The following TRIP12 variants were observed in gnomAD, a reference collection of about 807,000 sequenced individuals.
TRIP12 encodes the protein thyroid hormone receptor interactor 12, also known as E3 ubiquitin-protein ligase TRIP12.
In TRIP12, 25 loss-of-function variants were observed where a neutral mutation model predicts 244.2. The ratio of observed to expected loss-of-function variants is 0.10; its 90% CI spans 0.07 to 0.14. TRIP12 has a LOEUF of 0.14. Ranked by LOEUF, TRIP12 falls within the 10% of genes least tolerant of loss-of-function variation. TRIP12 has a pLI of 1.00. For synonymous variants in TRIP12, 905 were observed against 873.1 expected (o/e 1.04, Z -0.64); for missense variants, 1,677 against 2,486.4 (o/e 0.67, Z 6.92).
intron 1 of TRIP12, among the ~76,000 whole-genome samples, chr2:229,916,908 TTATC>T (rs1168294377): frequency 6.6e-6 from 1 of 150,560 alleles, no homozygotes; most frequent in African/African-American, 2.4e-5. Flanking sequence ...ATCGGTATAC[TTATC>T]TATTTATTAC....
At chr2:229,877,820 A>T (rs561574561) in intron 2 of TRIP12, among the ~76,000 whole-genome samples, 1 of 152,252 alleles carries the variant, frequency 6.6e-6, no homozygotes, top group Non-Finnish European at 1.5e-5. Context: ...AGCACACGTT[A>T]TAAGTGTGGA....
rs2046229616 is a variant in TRIP12, at chr2:229,807,722, T to C, written c.2482A>G (p.Ser828Gly). 6.2e-7 allele frequency: 1 copy of C among 1,614,050 alleles called. No homozygotes were observed. The highest frequency in any genetic ancestry group is 1.3e-5 in the African/African-American group (1 of 74,920). The change falls in exon 17 of 42, where the codon AGC (serine) becomes GGC (glycine). Residue 828 changes from serine to glycine, a missense_variant. This residue lies in a region of TRIP12 where 572 missense variants were observed against 867.8 expected (regional missense o/e 0.66). Coordinates refer to ENST00000675903, the MANE Select transcript of TRIP12 (RefSeq NM_001348323.3). ...GAAACTACTACCTCAATGATCCGGCTGTCAATCCTGTTATATGGATGCCAG... is the reference window on the plus strand; with the variant it reads ...GAAACTACTACCTCAATGATCCGGCCGTCAATCCTGTTATATGGATGCCAG... ...GLWHPYNRID[S>G]RIIEAAHQVG... is the part of the protein sequence containing the mutation.
At chr2:229,869,054 T>A (rs189803004) in intron 2 of TRIP12, among the ~76,000 whole-genome samples, 18 of 152,188 alleles carry the variant, frequency 1.2e-4, no homozygotes, top group Non-Finnish European at 1.2e-4. Flanking sequence ...TATCTGAATA[T>A]CTGAATGTGC....
At chr2:229,792,939 T>C (rs771781524) in intron 27 of TRIP12, 34 bp downstream of exon 27, 7 of 1,599,514 alleles carry the variant, frequency 4.4e-6, no homozygotes, top group Non-Finnish European at 5.1e-6. Context: ...CAAATATACA[T>C]ATATAACACA....
intron 4 of TRIP12, among the ~76,000 whole-genome samples, chr2:229,845,011 T>C (rs1202550057): frequency 6.6e-6 from 1 of 152,216 alleles, no homozygotes; most frequent in Non-Finnish European, 1.5e-5. Context: ...TCACCCTTTT[T>C]TCTCCTCCAC....
At chr2:229,768,799 CAT>C in intron 40 of TRIP12, 80 bp from the exon 41 acceptor site, 2 of 1,292,392 alleles carry the variant, frequency 1.5e-6, no homozygotes, top group African/African-American at 1.5e-5. Flanking sequence ...CATCACATGA[CAT>C]AAAAATTAGA....
intron 2 of TRIP12, among the ~76,000 whole-genome samples, chr2:229,867,821 T>C (rs1040971975): frequency 6.6e-6 from 1 of 152,188 alleles, no homozygotes; most frequent in Non-Finnish European, 1.5e-5. Flanking sequence ...TTTGACTCAA[T>C]TCCAAACTTG....
intron 2 of TRIP12, among the ~76,000 whole-genome samples, chr2:229,866,544 G>A (rs1398898349): frequency 6.6e-6 from 1 of 152,130 alleles, no homozygotes; most frequent in Non-Finnish European, 1.5e-5. Context: ...GATATTAAAA[G>A]AGCATAATAA....
At chr2:229,870,517 G>GAGTATAA (rs2062371757) in intron 2 of TRIP12, among the ~76,000 whole-genome samples, 2 of 152,192 alleles carry the variant, frequency 1.3e-5, no homozygotes, top group Non-Finnish European at 2.9e-5. Flanking sequence ...AGATTTCTAA[G>GAGTATAA]ACTGGAAAAG....
Position 229,764,665 on chromosome 2 carries a change from T to A in TRIP12, c.*2889A>T, listed in dbSNP as rs538391801. The A allele has an allele frequency of 6.6e-6, 1 of 152,336 alleles. No homozygotes were observed. Among genetic ancestry groups the A allele is most frequent in the African/African-American group, 2.4e-5 (1 of 41,582 alleles). The allele number at this position is 152,336 out of a possible 1,614,324, so 9.4% of individuals were successfully genotyped here. A position where few individuals can be genotyped will look rare whatever the true frequency, so the allele number is the denominator to read the frequency against. ...GTCCTCAGTGTGGAAAATCAAGAGT[T>A]GTGGATCTAATTTCTTGGATACTGA... On this transcript the variant is annotated 3_prime_UTR_variant, in exon 42 of 42. Coordinates refer to ENST00000675903, the MANE Select transcript of TRIP12 (RefSeq NM_001348323.3).
intron 8 of TRIP12, among the ~76,000 whole-genome samples, chr2:229,828,079 T>C (rs934459310): frequency 6.6e-6 from 1 of 152,228 alleles, no homozygotes; most frequent in African/African-American, 2.4e-5. Context: ...AACATCATCA[T>C]GCAGCACATG....
At chr2:229,775,001 A>T (rs2154240639) in intron 37 of TRIP12, among the ~76,000 whole-genome samples, 1 of 152,346 alleles carries the variant, frequency 6.6e-6, no homozygotes, top group South Asian at 2.1e-4. Flanking sequence ...AAAAATGCAA[A>T]TTCCATCTAA....
At chr2:229,852,233 A>G (rs986162192) in intron 4 of TRIP12, among the ~76,000 whole-genome samples, 1 of 152,222 alleles carries the variant, frequency 6.6e-6, no homozygotes. Flanking sequence ...TAGATCTTCA[A>G]TAGAACATCT....
At chr2:229,854,612 G>A (rs1332263287) in intron 4 of TRIP12, among the ~76,000 whole-genome samples, 1 of 152,082 alleles carries the variant, frequency 6.6e-6, no homozygotes, top group African/African-American at 2.4e-5. Flanking sequence ...AACATTTTTG[G>A]CTCTACTCCT....
At chr2:229,907,927 ATACT>A (rs2073276579) in intron 1 of TRIP12, among the ~76,000 whole-genome samples, 1 of 152,144 alleles carries the variant, frequency 6.6e-6, no homozygotes, top group African/African-American at 2.4e-5. Context: ...CAGGATATAT[ATACT>A]ATTTTTACTT....
chr2:229,921,625 A>G (rs923625146), intron 1 of TRIP12: 7 of 149,010 alleles, frequency 4.7e-5, no homozygotes, highest in African/African-American at 1.7e-4. Context: ...AGCGACCCCT[A>G]CCTCCCGCCA....
intron 37 of TRIP12, among the ~76,000 whole-genome samples, chr2:229,775,347 T>C (rs1337327983): frequency 1.3e-5 from 2 of 151,314 alleles, no homozygotes; most frequent in Non-Finnish European, 2.9e-5. Flanking sequence ...AAGGGAGGCA[T>C]TTTATTTTAC....
At chr2:229,793,199 C>T in intron 26 of TRIP12, 54 bp from the exon 27 acceptor site, 1 of 1,533,472 alleles carries the variant, frequency 6.5e-7, no homozygotes, top group Non-Finnish European at 8.8e-7. Context: ...ATTTAATATA[C>T]ATTAATTCAA....
At chr2:229,887,884 T>C (rs1022519502) in intron 1 of TRIP12, among the ~76,000 whole-genome samples, 1 of 152,220 alleles carries the variant, frequency 6.6e-6, no homozygotes, top group Non-Finnish European at 1.5e-5. Context: ...TGTTAACCTG[T>C]AGATTTAAGT....
Sources: allele counts gnomAD v4.1 joint callset (sites outside exome capture counted in the v4.1 genomes callset), GRCh38; gene constraint gnomAD v4.1.1; regional missense constraint gnomAD v4.1.1; transcripts MANE v1.5; gene names NCBI Gene and HGNC (gene_info 2026-07-23, HGNC 2026-07-21).